Variants in ZC4H2 observed in about 807,000 individuals in gnomAD.
ZC4H2 encodes zinc finger C4H2-type containing.
For missense variants in ZC4H2, 137 were observed against 173.9 expected (o/e 0.79, Z 1.19); for synonymous variants, 84 against 66.3 (o/e 1.27, Z -1.30).
chrX:65,011,506 C>T (rs1932754910), intron 1 of ZC4H2, among the ~76,000 whole-genome samples: 1 of 111,132 alleles, frequency 9.0e-6, no homozygotes, highest in Non-Finnish European at 1.9e-5. Context: ...GTTCTTCTCC[C>T]AGGATGCAAT....
At chrX:64,919,330 C>A in intron 3 of ZC4H2, 126 bp from the exon 4 acceptor site, 1 of 739,415 alleles carries the variant, frequency 1.4e-6, no homozygotes. Flanking sequence ...CCCACACCTT[C>A]CCAAGCACAA....
At chrX:64,928,056 A>T (rs1929509988) in intron 1 of ZC4H2, among the ~76,000 whole-genome samples, 1 of 111,278 alleles carries the variant, frequency 9.0e-6, no homozygotes, top group Non-Finnish European at 1.9e-5. Context: ...AGATTGCAAA[A>T]ATTTTTTCTG....
intron 1 of ZC4H2, among the ~76,000 whole-genome samples, chrX:65,034,323 T>C (rs1046134464): frequency 2.7e-5 from 3 of 111,541 alleles, no homozygotes; most frequent in Non-Finnish European, 5.6e-5. Context: ...TAGGCCCTAT[T>C]AAGGGAGGTG....
chrX:65,001,468 T>C (rs1437117606), intron 1 of ZC4H2, among the ~76,000 whole-genome samples: 4 of 111,903 alleles, frequency 3.6e-5, no homozygotes, highest in Non-Finnish European at 7.5e-5. Context: ...AAGGAAAAAC[T>C]GTACTAATCA....
chrX:65,033,542 C>T (rs1932964039), intron 1 of ZC4H2, among the ~76,000 whole-genome samples: 1 of 111,084 alleles, frequency 9.0e-6, no homozygotes, highest in Admixed American at 9.5e-5. Flanking sequence ...GGAGCTAGGG[C>T]TAGAAAAATA....
At chrX:64,987,092 T>A (rs113405368) in intron 1 of ZC4H2, among the ~76,000 whole-genome samples, 13,527 of 108,070 alleles carry the variant, frequency 0.13, 912 homozygotes, top group Non-Finnish European at 0.19. Flanking sequence ...CAAGCCCGGC[T>A]AATTTTTTTG....
chrX:64,963,460 C>A (rs987347859), intron 1 of ZC4H2, among the ~76,000 whole-genome samples: 4 of 111,369 alleles, frequency 3.6e-5, no homozygotes, highest in Non-Finnish European at 5.7e-5. Context: ...AATGTTTCTG[C>A]ACAGCAAAGG....
chrX:65,009,105 CATA>C lies in ZC4H2; in HGVS notation c.-272+25521_-272+25523del, dbSNP rs1218343903. Among the ~76,000 whole-genome samples the C allele has an allele frequency of 5.4e-5, 6 of 111,613 alleles. No individual in the cohort carries two copies. In the East Asian group the frequency reaches 1.7e-3, roughly 31 times the overall value. ...TAAATATGTACAACTATTATGTATC[CATA>C]ATAATTTACAATATTTTATTTTTTT... On this transcript the variant is annotated intron_variant, in intron 1 of 4. Coordinates refer to the ZC4H2 transcript ENST00000337990.
chrX:64,934,288 T>A (rs1929890094), intron 1 of ZC4H2, among the ~76,000 whole-genome samples: 1 of 112,408 alleles, frequency 8.9e-6, no homozygotes, highest in African/African-American at 3.2e-5. Context: ...CATTGTAACA[T>A]CTGGGCCTGA....
intron 1 of ZC4H2, among the ~76,000 whole-genome samples, chrX:64,946,558 C>A (rs1196560676): frequency 1.0e-5 from 1 of 99,172 alleles, no homozygotes; most frequent in Non-Finnish European, 2.0e-5. Context: ...CTTGGAAAAA[C>A]CCCTTGGTTG....
intron 1 of ZC4H2, among the ~76,000 whole-genome samples, chrX:65,006,798 T>C (rs752741601): frequency 1.8e-5 from 2 of 112,303 alleles, no homozygotes; most frequent in East Asian, 5.6e-4. Flanking sequence ...ATGCAGCATA[T>C]AACTGTATTT....
At chrX:65,016,132 C>A (rs972425672) in intron 1 of ZC4H2, among the ~76,000 whole-genome samples, 2 of 111,175 alleles carry the variant, frequency 1.8e-5, no homozygotes, top group Non-Finnish European at 3.8e-5. Context: ...TTCCTAATAC[C>A]CATTCCCCTT....
chrX:64,959,991 C>T (rs756760130), intron 1 of ZC4H2, among the ~76,000 whole-genome samples: 2 of 110,847 alleles, frequency 1.8e-5, no homozygotes, highest in African/African-American at 6.6e-5. Flanking sequence ...CCCTCCCAGG[C>T]ATAACTAAAA....
chrX:64,987,662 C>T (rs1425227656), intron 1 of ZC4H2, among the ~76,000 whole-genome samples: 2 of 109,394 alleles, frequency 1.8e-5, no homozygotes, highest in African/African-American at 6.6e-5. Context: ...AAGGAGAAAA[C>T]CTTTTGGATC....
chrX:64,937,702 G>T (rs1930081296), intron 1 of ZC4H2, among the ~76,000 whole-genome samples: 1 of 111,730 alleles, frequency 9.0e-6, no homozygotes, highest in Non-Finnish European at 1.9e-5. Context: ...TTAATGAAAT[G>T]AAGGCAGAAA....
chrX:65,017,470 G>A (rs1932804928), intron 1 of ZC4H2, among the ~76,000 whole-genome samples: 1 of 112,454 alleles, frequency 8.9e-6, no homozygotes, highest in Non-Finnish European at 1.9e-5. Flanking sequence ...ACCACTCTAA[G>A]TATTAAGTTT....
intron 1 of ZC4H2, among the ~76,000 whole-genome samples, chrX:64,973,577 T>C (rs1931850383): frequency 9.1e-6 from 1 of 110,461 alleles, no homozygotes; most frequent in Admixed American, 9.8e-5. Flanking sequence ...ATACAAGAAA[T>C]TTCAAGAGGA....
intron 1 of ZC4H2, among the ~76,000 whole-genome samples, chrX:64,963,404 C>T (rs994283104): frequency 2.7e-5 from 3 of 111,703 alleles, no homozygotes; most frequent in East Asian, 2.8e-4. Flanking sequence ...ACCAAAAGCA[C>T]AGGCAACAAA....
intron 3 of ZC4H2, 73 bp from the exon 4 acceptor site, chrX:64,919,277 G>GC: frequency 8.9e-7 from 1 of 1,124,337 alleles, no homozygotes. Flanking sequence ...AAGACTCCAT[G>GC]CCATACAACC....
Sources: allele counts gnomAD v4.1 joint callset (sites outside exome capture counted in the v4.1 genomes callset), GRCh38; gene constraint gnomAD v4.1.1; transcripts MANE v1.5; gene names NCBI Gene and HGNC (gene_info 2026-07-23, HGNC 2026-07-21).